The following SH3RF3 variants were observed in gnomAD, a reference collection of about 807,000 sequenced individuals.
SH3RF3 encodes the protein SH3 domain containing ring finger 3.
In SH3RF3, 29 loss-of-function variants were observed where a neutral mutation model predicts 66.3. The ratio of observed to expected loss-of-function variants is 0.44; its 90% CI spans 0.33 to 0.60. SH3RF3 has a LOEUF of 0.60. SH3RF3 is among the 20% of genes least tolerant of loss of function. The probability of loss-of-function intolerance (pLI) is 0.04; values close to 1 mark genes in which losing one functional copy is unlikely to be tolerated. For missense variants in SH3RF3, 1,194 were observed against 1,190.9 expected, an observed-to-expected ratio of 1.00 and a Z score of -0.04; for synonymous variants, 583 against 532.0, an observed-to-expected ratio of 1.10 and a Z score of -1.32.
At chr2:109,409,437 A>T (rs1181358878) in intron 4 of SH3RF3, among the ~76,000 whole-genome samples, 1 of 152,188 alleles carries the variant, frequency 6.6e-6, no homozygotes, top group Non-Finnish European at 1.5e-5. Context: ...TGCCAATAAA[A>T]CTTTATTCAC....
intron 1 of SH3RF3, among the ~76,000 whole-genome samples, chr2:109,331,538 C>T (rs1436738125): frequency 6.6e-6 from 1 of 152,152 alleles, no homozygotes; most frequent in African/African-American, 2.4e-5. Context: ...AATTGCAACC[C>T]CCACCGCCTT....
chr2:109,199,612 T>TCGTTCCGA (rs1574499835), intron 1 of SH3RF3, among the ~76,000 whole-genome samples: 1 of 336 alleles, frequency 3.0e-3, no homozygotes, highest in African/African-American at 8.8e-3. Flanking sequence ...TGGAATGGAA[T>TCGTTCCGA]GGAATGGAAT....
chr2:109,258,108 G>A (rs1017723962), intron 1 of SH3RF3, among the ~76,000 whole-genome samples: 2 of 152,138 alleles, frequency 1.3e-5, no homozygotes, highest in African/African-American at 4.8e-5. Context: ...GAGCTTAACC[G>A]GCCCAGACAT....
intron 1 of SH3RF3, among the ~76,000 whole-genome samples, chr2:109,178,205 T>C (rs1574489018): frequency 6.6e-6 from 1 of 152,256 alleles, no homozygotes. Context: ...TATTTTCATA[T>C]GTATTTCATA....
intron 2 of SH3RF3, among the ~76,000 whole-genome samples, chr2:109,349,619 T>A (rs1439536765): frequency 6.6e-6 from 1 of 152,148 alleles, no homozygotes; most frequent in Non-Finnish European, 1.5e-5. Context: ...ACAGACCCCA[T>A]AATGGCTCTA....
chr2:109,378,933 T>C (rs1041722065), intron 3 of SH3RF3, among the ~76,000 whole-genome samples: 3 of 152,202 alleles, frequency 2.0e-5, no homozygotes, highest in African/African-American at 7.2e-5. Flanking sequence ...TCTGCAGATC[T>C]CCAGGACTGT....
intron 1 of SH3RF3, among the ~76,000 whole-genome samples, chr2:109,249,220 C>T (rs995405503): frequency 6.6e-6 from 1 of 152,228 alleles, no homozygotes; most frequent in Non-Finnish European, 1.5e-5. Context: ...GCAACTCCCC[C>T]CCGACTCCTA....
intron 1 of SH3RF3, among the ~76,000 whole-genome samples, chr2:109,199,638 GGA>G (rs1678610484): frequency 0.026 from 1 of 38 alleles, no homozygotes; most frequent in African/African-American, 0.083. Flanking sequence ...GGAATGGAAT[GGA>G]ATGGAATGGA....
chr2:109,224,687 G>A (rs949966879), intron 1 of SH3RF3, among the ~76,000 whole-genome samples: 3 of 152,242 alleles, frequency 2.0e-5, no homozygotes, highest in African/African-American at 7.2e-5. Flanking sequence ...GTGAAACCCC[G>A]TCTCTACTAA....
At chr2:109,225,461 G>GGGACTGT (rs1679353039) in intron 1 of SH3RF3, among the ~76,000 whole-genome samples, 1 of 152,202 alleles carries the variant, frequency 6.6e-6, no homozygotes, top group African/African-American at 2.4e-5. Flanking sequence ...TAAAGATACA[G>GGGACTGT]GCCAGGCCGA....
chr2:109,202,675 G>A (rs1678708985), intron 1 of SH3RF3, among the ~76,000 whole-genome samples: 1 of 152,130 alleles, frequency 6.6e-6, no homozygotes, highest in African/African-American at 2.4e-5. Flanking sequence ...ACACAGCCTT[G>A]GGTGAGCACC....
chr2:109,255,739 T>G (rs1015863863), intron 1 of SH3RF3, among the ~76,000 whole-genome samples: 1 of 152,238 alleles, frequency 6.6e-6, no homozygotes, highest in Non-Finnish European at 1.5e-5. Flanking sequence ...AAGCTACTTC[T>G]AGGGCCAGAA....
At chr2:109,294,417 C>T (rs149982139) in intron 1 of SH3RF3, among the ~76,000 whole-genome samples, 7,062 of 151,812 alleles carry the variant, frequency 0.047, 545 homozygotes, top group African/African-American at 0.16. Flanking sequence ...AAAAATTAGC[C>T]GGGCATGGTG....
Position 109,396,435 on chromosome 2 carries a change from C to T in SH3RF3, c.946-2155C>T, listed in dbSNP as rs529076653. ...AATGCTGACAGCCATGTGCCTGGGCCGGGTCTGAAGGCAGCTGGAACCTGC... is the reference window on the plus strand; with the variant it reads ...AATGCTGACAGCCATGTGCCTGGGCTGGGTCTGAAGGCAGCTGGAACCTGC... On this transcript the variant is annotated intron_variant, in intron 3 of 9. Transcript: ENST00000309415. Among the ~76,000 whole-genome samples, 5 of 152,318 alleles carry T rather than the reference C, an allele frequency of 3.3e-5. No homozygotes were observed. The East Asian group carries it at 5.8e-4, about 18-fold the overall frequency.
intron 5 of SH3RF3, among the ~76,000 whole-genome samples, chr2:109,423,238 G>A (rs1056584210): frequency 2.6e-5 from 4 of 152,092 alleles, no homozygotes; most frequent in Non-Finnish European, 5.9e-5. Flanking sequence ...CAGGGGAATC[G>A]TGGCCAGCGG....
chr2:109,431,753 C>A, intron 5 of SH3RF3, among the ~76,000 whole-genome samples: 1 of 152,136 alleles, frequency 6.6e-6, no homozygotes, highest in South Asian at 2.1e-4. Context: ...CACCTGTGGT[C>A]CCAGCTGCTT....
chr2:109,147,523 A>G (rs545245610), intron 1 of SH3RF3, among the ~76,000 whole-genome samples: 1 of 152,350 alleles, frequency 6.6e-6, no homozygotes, highest in East Asian at 1.9e-4. Context: ...TGAAGGAATT[A>G]GCACTAAATG....
chr2:109,327,436 A>G (rs1164308054), intron 1 of SH3RF3, among the ~76,000 whole-genome samples: 1 of 152,220 alleles, frequency 6.6e-6, no homozygotes, highest in Non-Finnish European at 1.5e-5. Flanking sequence ...TAAAGCTTTG[A>G]TATTTTAGCA....
intron 1 of SH3RF3, among the ~76,000 whole-genome samples, chr2:109,341,378 T>G (rs1489230882): frequency 6.6e-6 from 1 of 152,248 alleles, no homozygotes; most frequent in African/African-American, 2.4e-5. Context: ...GGCCAAGAGT[T>G]GTGCCTTTTC....
Sources: allele counts gnomAD v4.1 joint callset (sites outside exome capture counted in the v4.1 genomes callset), GRCh38; gene constraint gnomAD v4.1.1; transcripts MANE v1.5; gene names NCBI Gene and HGNC (gene_info 2026-07-23, HGNC 2026-07-21).